TTC28: variants seen among roughly 807,000 people sequenced by gnomAD.
TTC28 encodes tetratricopeptide repeat domain 28, also known as tetratricopeptide repeat protein 28.
In TTC28, 61 loss-of-function variants were observed where a neutral mutation model predicts 198.0. That is an observed-to-expected ratio of 0.31 (90% CI 0.25 to 0.38). TTC28 has a LOEUF of 0.38. TTC28 is among the 10% of genes least tolerant of loss of function. TTC28 has a pLI of 1.00. For missense variants in TTC28, 2,678 were observed against 3,164.0 expected (o/e 0.85, Z 3.69); for synonymous variants, 1,171 against 1,297.8 (o/e 0.90, Z 2.10).
intron 2 of TTC28, among the ~76,000 whole-genome samples, chr22:28,377,921 AAC>A (rs2046436029): frequency 6.6e-6 from 1 of 152,222 alleles, no homozygotes; most frequent in Non-Finnish European, 1.5e-5. Context: ...TGTCTCCTAA[AAC>A]AGTTATTATA....
At chr22:28,237,147 G>T (rs1929309402) in intron 5 of TTC28, among the ~76,000 whole-genome samples, 1 of 151,810 alleles carries the variant, frequency 6.6e-6, no homozygotes. Context: ...TCGCTCGCTG[G>T]TGCATTCTCT....
intron 14 of TTC28, 81 bp from the exon 15 acceptor site, chr22:28,001,634 G>C (rs1937697768): frequency 6.8e-7 from 1 of 1,470,512 alleles, no homozygotes; most frequent in Non-Finnish European, 9.1e-7. Flanking sequence ...CTGAGCCCTA[G>C]CCTGGATGAC....
At chr22:28,398,788 A>ATAG (rs1404502154) in intron 2 of TTC28, among the ~76,000 whole-genome samples, 5 of 152,210 alleles carry the variant, frequency 3.3e-5, no homozygotes, top group African/African-American at 1.2e-4. Context: ...CAAATAAGGT[A>ATAG]TAGCTTCATA....
intron 12 of TTC28, among the ~76,000 whole-genome samples, chr22:28,086,944 T>G (rs1470827368): frequency 2.6e-5 from 4 of 152,144 alleles, no homozygotes; most frequent in Middle Eastern, 3.4e-3. Context: ...ACATACACCC[T>G]CCCAAGACTA....
intron 2 of TTC28, among the ~76,000 whole-genome samples, chr22:28,314,770 A>C (rs1365170758): frequency 1.3e-5 from 2 of 152,130 alleles, no homozygotes; most frequent in Non-Finnish European, 2.9e-5. Context: ...CTACTTGGGA[A>C]GCTAAGGTGG....
chr22:28,019,666 C>T (rs1051928914), intron 13 of TTC28, among the ~76,000 whole-genome samples: 4 of 152,352 alleles, frequency 2.6e-5, no homozygotes, highest in African/African-American at 9.6e-5. Context: ...TGTAGAAGAA[C>T]GGCCACAGAG....
At chr22:28,002,132 C>G (rs535474297) in intron 14 of TTC28, 4 of 155,890 alleles carry the variant, frequency 2.6e-5, no homozygotes, top group Non-Finnish European at 5.7e-5. Flanking sequence ...TGACTCCCAT[C>G]CCTCTTGAAA....
chr22:28,261,197 T>C (rs1215440710), intron 5 of TTC28, among the ~76,000 whole-genome samples: 1 of 152,172 alleles, frequency 6.6e-6, no homozygotes, highest in Non-Finnish European at 1.5e-5. Flanking sequence ...AAAACAGTAT[T>C]CTAGGTTCTG....
intron 2 of TTC28, among the ~76,000 whole-genome samples, chr22:28,560,750 T>C (rs946709349): frequency 2.0e-5 from 3 of 152,086 alleles, no homozygotes; most frequent in Non-Finnish European, 2.9e-5. Flanking sequence ...TCCTTCATTT[T>C]CTTTTTTTTG....
intron 2 of TTC28, among the ~76,000 whole-genome samples, chr22:28,379,284 C>A (rs1382787138): frequency 6.6e-6 from 1 of 151,852 alleles, no homozygotes; most frequent in Admixed American, 6.6e-5. Context: ...GGCTATATAC[C>A]CAAAATAACT....
intron 15 of TTC28, chr22:27,999,538 G>A (rs1302965413): frequency 2.2e-6 from 1 of 447,674 alleles, no homozygotes; most frequent in Non-Finnish European, 4.0e-6. Flanking sequence ...TGATATGACA[G>A]AGTGGACAGA....
intron 1 of TTC28, among the ~76,000 whole-genome samples, chr22:28,672,122 G>A (rs534785892): frequency 3.3e-4 from 50 of 152,094 alleles, no homozygotes; most frequent in Non-Finnish European, 1.9e-4. Context: ...CGCCTCCTGA[G>A]TTCAAGTGAT....
Position 28,340,401 on chromosome 22 carries a change from T to C in TTC28, c.382-33758A>G, listed in dbSNP as rs2045810979. 2.6e-5 allele frequency among the ~76,000 whole-genome samples: 4 copies of C among 152,108 alleles called. No individual in the cohort carries two copies. The South Asian group carries it at 8.3e-4, about 32-fold the overall frequency. On this transcript the variant is annotated intron_variant, in intron 2 of 22. Coordinates refer to ENST00000397906, the MANE Select transcript of TTC28 (RefSeq NM_001145418.2). ...AAATTCACTATAATTTGAGACCTTG[T>C]GATTACCACACTTGGTTTCATTTCA...
chr22:28,319,304 T>C (rs1437796903), intron 2 of TTC28, among the ~76,000 whole-genome samples: 1 of 152,230 alleles, frequency 6.6e-6, no homozygotes, highest in Non-Finnish European at 1.5e-5. Context: ...TTGAAGCAAC[T>C]GACAAAGGTA....
intron 2 of TTC28, among the ~76,000 whole-genome samples, chr22:28,564,397 T>G (rs1165006749): frequency 2.6e-5 from 4 of 152,148 alleles, no homozygotes; most frequent in African/African-American, 9.7e-5. Flanking sequence ...ACATCAAACT[T>G]CAGAAAATAC....
rs570834427 is a variant in TTC28 at position 27,993,293 on chromosome 22, G to A, written c.5470C>T (p.Leu1824=). The A allele has an allele frequency of 2.6e-6, 4 of 1,533,118 alleles. No homozygotes were observed. The South Asian group carries it at 3.7e-5, about 14-fold the overall frequency. 95.0% of individuals were successfully genotyped at this position (1,533,118 alleles called of 1,614,324 possible). A position where few individuals can be genotyped will look rare whatever the true frequency, so the allele number is the denominator to read the frequency against. ...CCCTACACCCACAGCTCACCCAGCA[G>A]GGACTGGAGTGTGCTGCTGCACTGC... ...LQQCSSTLQS[L]LGLPNPALQA... Residue 1824 remains leucine, a synonymous_variant, in exon 18 of 23, where the codon CTG becomes TTG. Coordinates refer to ENST00000397906, the MANE Select transcript of TTC28 (RefSeq NM_001145418.2).
chr22:28,349,070 G>A (rs752722384), intron 2 of TTC28, among the ~76,000 whole-genome samples: 3 of 152,198 alleles, frequency 2.0e-5, no homozygotes, highest in Non-Finnish European at 4.4e-5. Flanking sequence ...CAGCAGACAG[G>A]AGGAGAAGGC....
chr22:28,009,600 C>T (rs1170768763), intron 14 of TTC28, among the ~76,000 whole-genome samples: 2 of 152,296 alleles, frequency 1.3e-5, no homozygotes, highest in South Asian at 2.1e-4. Flanking sequence ...GCGCAGGTGA[C>T]GGGTGCCAAA....
intron 12 of TTC28, among the ~76,000 whole-genome samples, chr22:28,035,246 G>A (rs947267542): frequency 6.6e-6 from 1 of 151,896 alleles, no homozygotes; most frequent in Non-Finnish European, 1.5e-5. Context: ...CCAACCAATT[G>A]CAACCCTGAA....
Sources: gnomAD v4.1 joint callset for allele counts (sites outside exome capture counted in the v4.1 genomes callset) on GRCh38, gnomAD v4.1.1 for gene constraint, MANE v1.5 for transcripts, NCBI Gene and HGNC (gene_info 2026-07-23, HGNC 2026-07-21) for gene names.